CNTNAP5: variants seen among roughly 807,000 people sequenced by gnomAD.
CNTNAP5 encodes the protein contactin associated protein family member 5.
A neutral mutation model predicts 150.2 loss-of-function variants in CNTNAP5; 72 were observed. The ratio of observed to expected loss-of-function variants is 0.48; its 90% CI spans 0.40 to 0.58. The LOEUF (loss-of-function observed/expected upper bound fraction) is 0.58. Ranked by LOEUF, CNTNAP5 falls within the 20% of genes least tolerant of loss-of-function variation. The pLI is 0.00. For synonymous variants in CNTNAP5, 672 were observed against 619.8 expected (o/e 1.08, Z -1.25); for missense variants, 1,636 against 1,626.2 (o/e 1.01, Z -0.10).
At chr2:124,233,554 A>G (rs1289530875) in intron 2 of CNTNAP5, among the ~76,000 whole-genome samples, 1 of 152,146 alleles carries the variant, frequency 6.6e-6, no homozygotes, top group Non-Finnish European at 1.5e-5. Flanking sequence ...ATCACAGTCA[A>G]GGAGGATGGA....
rs188524027 is a variant in CNTNAP5, at chr2:124,493,486, G to A, written c.1063-10806G>A. 7.4e-3 allele frequency among the ~76,000 whole-genome samples: 1,128 copies of A among 151,862 alleles called. 14 individuals carry two copies. Among genetic ancestry groups the A allele is most frequent in the African/African-American group, 0.025 (1,024 of 41,438 alleles). On this transcript the variant is annotated intron_variant, in intron 7 of 23. Transcript: ENST00000682447. ...CTCCCTAGTAGCTGGGACTACAGGC[G>A]TTTGCCTCCATGTCTGGCTAATTTT...
chr2:124,072,462 C>T (rs1039519622), intron 1 of CNTNAP5, among the ~76,000 whole-genome samples: 1 of 151,840 alleles, frequency 6.6e-6, no homozygotes, highest in African/African-American at 2.4e-5. Flanking sequence ...ACAATATGAT[C>T]TTATATCCAG....
At chr2:124,888,993 T>G (rs1573690135) in intron 21 of CNTNAP5, among the ~76,000 whole-genome samples, 1 of 151,808 alleles carries the variant, frequency 6.6e-6, no homozygotes, top group Non-Finnish European at 1.5e-5. Context: ...CATTTGAGGA[T>G]GTGGTCATAA....
chr2:124,196,204 C>T (rs1261712888), intron 1 of CNTNAP5, among the ~76,000 whole-genome samples: 1 of 152,040 alleles, frequency 6.6e-6, no homozygotes, highest in Non-Finnish European at 1.5e-5. Context: ...AGCTGTCACG[C>T]AATGAAAGTC....
intron 19 of CNTNAP5, among the ~76,000 whole-genome samples, chr2:124,799,488 C>T (rs1351601291): frequency 6.6e-6 from 1 of 152,314 alleles, no homozygotes; most frequent in Non-Finnish European, 1.5e-5. Flanking sequence ...CCTTTGTCAT[C>T]TGCTGGTATC....
intron 11 of CNTNAP5, among the ~76,000 whole-genome samples, chr2:124,569,406 G>T (rs982844934): frequency 8.0e-5 from 12 of 149,868 alleles, no homozygotes; most frequent in Admixed American, 4.7e-4. Context: ...ATAGGAATAA[G>T]ATTGCTTCCA....
chr2:124,374,783 T>C (rs982698650), intron 3 of CNTNAP5, among the ~76,000 whole-genome samples: 1 of 152,080 alleles, frequency 6.6e-6, no homozygotes, highest in Non-Finnish European at 1.5e-5. Flanking sequence ...GGAGAAGTGA[T>C]TGACAGTGGA....
intron 14 of CNTNAP5, among the ~76,000 whole-genome samples, chr2:124,748,824 GC>G (rs1680661755): frequency 6.6e-6 from 1 of 152,122 alleles, no homozygotes; most frequent in African/African-American, 2.4e-5. Context: ...ACTCAAGCTG[GC>G]CGAAGTTATA....
intron 6 of CNTNAP5, among the ~76,000 whole-genome samples, chr2:124,466,212 A>C (rs1010807506): frequency 1.3e-5 from 2 of 152,096 alleles, no homozygotes; most frequent in Non-Finnish European, 2.9e-5. Flanking sequence ...TTCTCCAAAA[A>C]TCCTTCAGCA....
chr2:124,745,370 C>A (rs1437621694), intron 13 of CNTNAP5, among the ~76,000 whole-genome samples: 2 of 152,242 alleles, frequency 1.3e-5, no homozygotes, highest in African/African-American at 2.4e-5. Flanking sequence ...TGAGAGATTT[C>A]TTTCCATTCT....
intron 4 of CNTNAP5, among the ~76,000 whole-genome samples, chr2:124,423,603 GC>G (rs1359958069): frequency 7.6e-6 from 1 of 131,236 alleles, no homozygotes; most frequent in Non-Finnish European, 1.6e-5. Flanking sequence ...GCCTCAGCCT[GC>G]CAAAGTGCTG....
chr2:124,736,309 C>G (rs1680381627), intron 13 of CNTNAP5, among the ~76,000 whole-genome samples: 1 of 152,146 alleles, frequency 6.6e-6, no homozygotes, highest in Non-Finnish European at 1.5e-5. Context: ...ACTAAATAGC[C>G]ATTTTTCTTC....
In CNTNAP5 at chr2:124,458,062, G is replaced by T. The variant is rs958390030; in HGVS notation, c.918+11125G>T. On this transcript the variant is annotated intron_variant, in intron 6 of 23. Coordinates refer to ENST00000682447, the MANE Select transcript of CNTNAP5 (RefSeq NM_001367498.1). ...ATTGGATCCAGCAATCCCACTACTAGGTATCTACCCAGAGGAAAAGAAGTC... is the reference window on the plus strand; with the variant it reads ...ATTGGATCCAGCAATCCCACTACTATGTATCTACCCAGAGGAAAAGAAGTC... Among the ~76,000 whole-genome samples, 2 of 151,384 alleles carry T rather than the reference G, an allele frequency of 1.3e-5. 1 individual carries two copies. The highest frequency in any genetic ancestry group is 4.2e-4 in the South Asian group (2 of 4,802).
rs781243750 is a variant in CNTNAP5 at position 124,417,502 on chromosome 2, G to A, written c.441G>A (p.Val147=). The change falls in exon 4 of 24, where the codon GTG becomes GTA. Residue 147 remains valine (V), a synonymous_variant. Coordinates refer to ENST00000682447, the MANE Select transcript of CNTNAP5 (RefSeq NM_001367498.1). ...SVVHHKLLHS[V]RARFVRFVPL... ...TGCACCACAAGCTATTGCACTCAGTGAGAGCCCGATTTGTTCGCTTTGTGC... is the reference window on the plus strand; with the variant it reads ...TGCACCACAAGCTATTGCACTCAGTAAGAGCCCGATTTGTTCGCTTTGTGC... 6.2e-7 allele frequency: 1 copy of A among 1,613,934 alleles called. No homozygotes were observed. The highest frequency in any genetic ancestry group is 8.5e-7 in the Non-Finnish European group (1 of 1,179,874).
chr2:124,317,063 G>A (rs1688985213), intron 3 of CNTNAP5, among the ~76,000 whole-genome samples: 1 of 152,080 alleles, frequency 6.6e-6, no homozygotes, highest in African/African-American at 2.4e-5. Context: ...AGCAACATCT[G>A]CTTAGTCTGG....
intron 13 of CNTNAP5, among the ~76,000 whole-genome samples, chr2:124,664,181 G>A (rs942104536): frequency 2.0e-5 from 3 of 151,958 alleles, no homozygotes; most frequent in African/African-American, 7.3e-5. Flanking sequence ...AAGGTGACAG[G>A]GCTTGGTGGC....
intron 13 of CNTNAP5, among the ~76,000 whole-genome samples, chr2:124,713,422 G>A (rs545306963): frequency 2.5e-4 from 36 of 144,528 alleles, no homozygotes; most frequent in African/African-American, 8.3e-4. Context: ...CTGTCACCCA[G>A]GCTACAGTGC....
At chr2:124,265,837 T>TA (rs112110861) in intron 3 of CNTNAP5, among the ~76,000 whole-genome samples, 46,804 of 150,474 alleles carry the variant, frequency 0.31, 7,785 homozygotes, top group Admixed American at 0.4. Context: ...ATGAGAATGG[T>TA]AAAAAAAAAC....
intron 1 of CNTNAP5, among the ~76,000 whole-genome samples, chr2:124,029,788 T>C (rs1252364481): frequency 6.6e-6 from 1 of 152,118 alleles, no homozygotes; most frequent in Non-Finnish European, 1.5e-5. Flanking sequence ...GAAATGCCCC[T>C]GAAACCTTCA....
Sources: gnomAD v4.1 joint callset for allele counts (sites outside exome capture counted in the v4.1 genomes callset) on GRCh38, gnomAD v4.1.1 for gene constraint, MANE v1.5 for transcripts, NCBI Gene and HGNC (gene_info 2026-07-23, HGNC 2026-07-21) for gene names.